Variants in KDM7A observed in about 807,000 individuals in gnomAD.
The protein encoded by KDM7A is lysine demethylase 7A.
KDM7A carries 28 observed loss-of-function variants against 114.8 expected under a neutral mutation model. The observed-to-expected ratio is 0.24, with a 90% CI of 0.18 to 0.33. The LOEUF (loss-of-function observed/expected upper bound fraction) is 0.33, where lower values mean the gene tolerates loss of function less well. KDM7A is among the 10% of genes least tolerant of loss of function. The pLI is 1.00. For synonymous variants in KDM7A, 423 were observed against 397.8 expected (o/e 1.06, Z -0.75); for missense variants, 942 against 1,142.5 (o/e 0.82, Z 2.53).
rs1434270198 is a variant in KDM7A, at chr7:140,176,640, G to T, written c.194+104C>A. ...CACCGGGGCCCCCTGAAAGCTGGGC[G>T]CGGCGCGGCGGCCCGGCCCGAGGGA... On this transcript the variant is annotated intron_variant, in intron 1 of 19. Transcript: ENST00000397560. This position sits in a 1 kb window ranked among gnomAD's most constrained non-coding sequence, Gnocchi z 4.4. 3 of 855,756 alleles carry T rather than the reference G, an allele frequency of 3.5e-6. No homozygotes were observed. The highest frequency in any genetic ancestry group is 3.7e-5 in the African/African-American group (2 of 53,758). 53.0% of individuals were successfully genotyped at this position (855,756 alleles called of 1,614,324 possible).
intron 9 of KDM7A, 107 bp downstream of exon 9, chr7:140,119,006 G>C (rs975504016): frequency 3.3e-6 from 2 of 601,910 alleles, no homozygotes; most frequent in Non-Finnish European, 5.8e-6. Flanking sequence ...AAATAGGAGT[G>C]ACATCCATAC....
chr7:140,140,509 T>C (rs997151983), intron 1 of KDM7A, among the ~76,000 whole-genome samples: 1 of 152,066 alleles, frequency 6.6e-6, no homozygotes, highest in African/African-American at 2.4e-5. Context: ...GGTGTGCTGG[T>C]TCACACCCGT....
intron 1 of KDM7A, among the ~76,000 whole-genome samples, chr7:140,156,872 G>T (rs771061275): frequency 5.9e-5 from 9 of 152,192 alleles, no homozygotes; most frequent in Non-Finnish European, 1.2e-4. Context: ...TGCTGCATAT[G>T]TACAAGCCTA....
Position 140,096,910 on chromosome 7 carries a change from A to C in KDM7A, c.2154T>G (p.Ile718Met), listed in dbSNP as rs747378009. 6.2e-7 allele frequency: 1 copy of C among 1,613,830 alleles called. No individual in the cohort carries two copies. Residue 718 changes from isoleucine (I) to methionine (M), a missense_variant, in exon 16 of 20, where the codon ATT (isoleucine) becomes ATG (methionine). This residue lies in a region of KDM7A where 512 missense variants were observed against 576.6 expected (regional missense o/e 0.89). Coordinates refer to ENST00000397560, the MANE Select transcript of KDM7A (RefSeq NM_030647.2). ...ATCAGCAAGCCTACCTTTTAATTGGAATTTCACTTCTAGATGGCTTCTGGC... is the reference window on the plus strand; with the variant it reads ...ATCAGCAAGCCTACCTTTTAATTGGCATTTCACTTCTAGATGGCTTCTGGC... ...QKSQKPSRSE[I>M]PIKRECPTST... is the part of the protein sequence containing the mutation.
chr7:140,176,525 C>T lies in KDM7A; in HGVS notation c.194+219G>A, dbSNP rs1189357772. ...CGTGTTTGTTGTGGCGACTCTTCGC[C>T]CGGGCCAGGCGAGCCCACCGGCTCC... On this transcript the variant is annotated intron_variant, in intron 1 of 19. Transcript: ENST00000397560. This position sits in a 1 kb window ranked among gnomAD's most constrained non-coding sequence, Gnocchi z 4.4. Among the ~76,000 whole-genome samples the T allele has an allele frequency of 6.8e-6, 1 of 146,830 alleles. No individual in the cohort carries two copies. The highest frequency in any genetic ancestry group is 2.0e-4 in the East Asian group (1 of 5,044).
At chr7:140,114,111 G>A (rs1818475002) in intron 9 of KDM7A, among the ~76,000 whole-genome samples, 1 of 151,760 alleles carries the variant, frequency 6.6e-6, no homozygotes, top group South Asian at 2.1e-4. Context: ...TCACCAGAAA[G>A]ACGTATGTAA....
chr7:140,092,379 AC>A (rs1433042755), intron 18 of KDM7A, among the ~76,000 whole-genome samples: 2 of 152,174 alleles, frequency 1.3e-5, no homozygotes, highest in Non-Finnish European at 2.9e-5. Flanking sequence ...CAACGCAGGG[AC>A]CCTGAGCTGG....
At position 140,176,015 on chromosome 7, in the gene KDM7A, C is replaced by A. The variant is rs774473539; in HGVS notation, c.194+729G>T. On this transcript the variant is annotated intron_variant, in intron 1 of 19. Coordinates refer to ENST00000397560, the MANE Select transcript of KDM7A (RefSeq NM_030647.2). This position sits in a 1 kb window ranked among gnomAD's most constrained non-coding sequence, Gnocchi z 4.4. ...GGGTGTGTGCGGGGGCCCAGGACCG[C>A]GACCCGGGTCAACCTGCCGCCCGCC... Among the ~76,000 whole-genome samples, 330 of 152,130 alleles carry A rather than the reference C, an allele frequency of 2.2e-3. 6 individuals are homozygous for A. The highest frequency in any genetic ancestry group is 1.1e-3 in the Non-Finnish European group (76 of 67,974).
At chr7:140,171,448 A>T (rs1456715366) in intron 1 of KDM7A, among the ~76,000 whole-genome samples, 1 of 149,970 alleles carries the variant, frequency 6.7e-6, no homozygotes, top group East Asian at 1.9e-4. Flanking sequence ...TAGCCTGGAG[A>T]CAGAGCAAGA....
In KDM7A at chr7:140,087,892, G is replaced by T. The variant is rs1181024577; in HGVS notation, c.*3202C>A. ...GTCCTCTTTTGCTCATGTTTGCTTA[G>T]AAGTGAAAATAATACTGCTAATTTC... On this transcript the variant is annotated 3_prime_UTR_variant, in exon 20 of 20. Transcript: ENST00000397560. 1.3e-5 allele frequency: 2 copies of T among 152,168 alleles called. No homozygotes were observed. Among genetic ancestry groups the T allele is most frequent in the African/African-American group, 4.8e-5 (2 of 41,448 alleles). The allele number at this position is 152,168 out of a possible 1,614,324, so 9.4% of individuals were successfully genotyped here.
At chr7:140,099,255 C>A (rs1013181198) in intron 13 of KDM7A, among the ~76,000 whole-genome samples, 1 of 152,144 alleles carries the variant, frequency 6.6e-6, no homozygotes, top group African/African-American at 2.4e-5. Flanking sequence ...AGTGCAGTGG[C>A]ACAATCATAG....
intron 9 of KDM7A, among the ~76,000 whole-genome samples, chr7:140,118,745 G>T (rs1195811602): frequency 6.6e-6 from 1 of 152,032 alleles, no homozygotes; most frequent in Non-Finnish European, 1.5e-5. Flanking sequence ...CAAATTTTGG[G>T]AACATATAAT....
intron 10 of KDM7A, among the ~76,000 whole-genome samples, chr7:140,113,169 T>C (rs545959569): frequency 2.6e-5 from 4 of 152,368 alleles, no homozygotes; most frequent in African/African-American, 9.6e-5. Context: ...GTATAAAGAT[T>C]AAGCACAGTG....
intron 7 of KDM7A, among the ~76,000 whole-genome samples, 185 bp downstream of exon 7, chr7:140,124,436 A>G (rs1287741606): frequency 6.6e-6 from 1 of 152,252 alleles, no homozygotes; most frequent in Non-Finnish European, 1.5e-5. Flanking sequence ...ACAATGCCAA[A>G]AGAAGTCCTA....
chr7:140,089,004 C>T lies in KDM7A; in HGVS notation c.*2090G>A, dbSNP rs1817978050. The stretch of plus-strand genomic sequence containing the variant: ...ATATAACACGAAAAGGAAATTATAG[C>T]TCTTACACCTCGTATTTCTTAACCC... On this transcript the variant is annotated 3_prime_UTR_variant, in exon 20 of 20. Coordinates refer to ENST00000397560, the MANE Select transcript of KDM7A (RefSeq NM_030647.2). The T allele has an allele frequency of 6.6e-6, 1 of 152,052 alleles. No individual in the cohort carries two copies. Among genetic ancestry groups the T allele is most frequent in the Non-Finnish European group, 1.5e-5 (1 of 68,028 alleles). 9.4% of individuals were successfully genotyped at this position (152,052 alleles called of 1,614,324 possible). A position where few individuals can be genotyped will look rare whatever the true frequency, so the allele number is the denominator to read the frequency against.
At chr7:140,131,376 T>C (rs1478776272) in intron 3 of KDM7A, among the ~76,000 whole-genome samples, 1 of 152,182 alleles carries the variant, frequency 6.6e-6, no homozygotes, top group East Asian at 1.9e-4. Flanking sequence ...GTGTGACACT[T>C]GCCTTAAAGG....
At chr7:140,109,974 A>G (rs539213337) in intron 11 of KDM7A, among the ~76,000 whole-genome samples, 1 of 152,338 alleles carries the variant, frequency 6.6e-6, no homozygotes, top group Non-Finnish European at 1.5e-5. Flanking sequence ...CAGATAAAAT[A>G]ACAGACACCC....
chr7:140,112,807 A>G (rs1193680008), intron 10 of KDM7A, among the ~76,000 whole-genome samples: 1 of 152,242 alleles, frequency 6.6e-6, no homozygotes, highest in Admixed American at 6.5e-5. Flanking sequence ...TTAAGCCCAT[A>G]GGCACAAGAA....
intron 2 of KDM7A, among the ~76,000 whole-genome samples, chr7:140,136,751 C>T (rs1368309961): frequency 2.0e-5 from 3 of 152,140 alleles, no homozygotes; most frequent in Admixed American, 2.0e-4. Context: ...CAGTGGCTCA[C>T]GCCTGTAATC....
Sources: gnomAD v4.1 joint callset for allele counts (sites outside exome capture counted in the v4.1 genomes callset) on GRCh38, gnomAD v4.1.1 for gene constraint, gnomAD v4.1.1 regional missense constraint, Gnocchi (gnomAD v3.1) non-coding constraint, MANE v1.5 for transcripts, NCBI Gene and HGNC (gene_info 2026-07-23, HGNC 2026-07-21) for gene names.